The following PCDH15 variants were observed in gnomAD, a reference collection of about 807,000 sequenced individuals.
PCDH15 encodes the protein protocadherin-15.
PCDH15 carries 129 observed loss-of-function variants against 178.5 expected under a neutral mutation model. That is an observed-to-expected ratio of 0.72 (90% confidence interval 0.63 to 0.84). PCDH15 has a LOEUF of 0.84. PCDH15 is among the 40% of genes least tolerant of loss of function. The pLI, the probability that PCDH15 is intolerant of heterozygous loss-of-function variation, is 0.00. For missense variants in PCDH15, 2,230 were observed against 2,099.9 expected, an observed-to-expected ratio of 1.06 and a Z score of -1.21; for synonymous variants, 800 against 732.0, an observed-to-expected ratio of 1.09 and a Z score of -1.50.
At chr10:54,604,592 CTTTCT>C (rs879283288) in intron 2 of PCDH15, among the ~76,000 whole-genome samples, 3 of 151,656 alleles carry the variant, frequency 2.0e-5, no homozygotes, top group Non-Finnish European at 2.9e-5. Context: ...AGCCATTCTG[CTTTCT>C]TTTCATTACC....
Position 54,629,984 on chromosome 10 carries a change from A to C in PCDH15, c.91+34188T>G, listed in dbSNP as rs551757425. On this transcript the variant is annotated intron_variant, in intron 2 of 37. Coordinates refer to ENST00000644397, the MANE Select transcript of PCDH15 (RefSeq NM_001384140.1). ...GGAGCCAAATTAAGATCAAAAACCC[A>C]TTTACAATAGCCACAAAAAAAATTA... is the stretch of plus-strand genomic sequence containing the variant. Among the ~76,000 whole-genome samples, 8 of 152,238 alleles carry C rather than the reference A, an allele frequency of 5.3e-5. No homozygotes were observed. In the South Asian group the frequency reaches 1.7e-3, roughly 32 times the overall value.
intron 25 of PCDH15, among the ~76,000 whole-genome samples, chr10:53,915,415 T>C (rs1465086852): frequency 2.0e-5 from 3 of 152,238 alleles, no homozygotes; most frequent in Non-Finnish European, 4.4e-5. Context: ...AGTTTTCAAA[T>C]TTAGCTTGGA....
intron 28 of PCDH15, among the ~76,000 whole-genome samples, chr10:53,845,474 C>G (rs2077911215): frequency 6.6e-6 from 1 of 151,656 alleles, no homozygotes; most frequent in African/African-American, 2.4e-5. Flanking sequence ...TGGAATCAAC[C>G]AAAATGTTTA....
At chr10:54,660,140 G>A (rs1037462158) in intron 2 of PCDH15, among the ~76,000 whole-genome samples, 1 of 152,044 alleles carries the variant, frequency 6.6e-6, no homozygotes, top group South Asian at 2.1e-4. Context: ...CAAAGCAAAA[G>A]TTGTGTCTTT....
intron 3 of PCDH15, among the ~76,000 whole-genome samples, chr10:54,465,171 ATTTT>A (rs1026038697): frequency 2.6e-5 from 4 of 152,024 alleles, no homozygotes; most frequent in African/African-American, 9.7e-5. Flanking sequence ...GGGACATGTG[ATTTT>A]TTTGTTACAC....
At chr10:54,473,836 A>C (rs2078086616) in intron 3 of PCDH15, among the ~76,000 whole-genome samples, 1 of 151,860 alleles carries the variant, frequency 6.6e-6, no homozygotes, top group East Asian at 1.9e-4. Flanking sequence ...GAATTCTAAT[A>C]ATTTTTCTAT....
At chr10:55,618,508 C>G (rs1357196323) in intron 2 of PCDH15, among the ~76,000 whole-genome samples, 1 of 152,026 alleles carries the variant, frequency 6.6e-6, no homozygotes, top group Non-Finnish European at 1.5e-5. Flanking sequence ...GTATACACAT[C>G]AAACTACCAA....
chr10:54,484,798 C>T (rs1242367747), intron 3 of PCDH15, among the ~76,000 whole-genome samples: 3 of 151,860 alleles, frequency 2.0e-5, no homozygotes, highest in Non-Finnish European at 4.4e-5. Flanking sequence ...CACCAATTTA[C>T]TTCAACAGTT....
intron 3 of PCDH15, among the ~76,000 whole-genome samples, chr10:54,422,331 T>C (rs1202895588): frequency 3.0e-4 from 45 of 152,260 alleles, no homozygotes; most frequent in Non-Finnish European, 2.9e-5. Flanking sequence ...AATGGAATTA[T>C]AGCCTACCCT....
chr10:55,438,445 A>G (rs990165715), intron 2 of PCDH15, among the ~76,000 whole-genome samples: 1 of 152,178 alleles, frequency 6.6e-6, no homozygotes, highest in South Asian at 2.1e-4. Context: ...AGCTTTATTA[A>G]ATAAGAATCT....
chr10:55,617,730 T>C (rs1843508089), intron 2 of PCDH15, among the ~76,000 whole-genome samples: 1 of 152,046 alleles, frequency 6.6e-6, no homozygotes, highest in South Asian at 2.1e-4. Context: ...GAAAATGATC[T>C]TTTAAATTGG....
At chr10:55,003,833 G>A (rs561466224) in intron 2 of PCDH15, among the ~76,000 whole-genome samples, 8 of 152,318 alleles carry the variant, frequency 5.3e-5, no homozygotes, top group Non-Finnish European at 8.8e-5. Flanking sequence ...TCTGGCCTGT[G>A]GTTAAGTTGA....
intron 2 of PCDH15, among the ~76,000 whole-genome samples, chr10:55,596,274 C>T (rs2132137160): frequency 6.6e-6 from 1 of 152,204 alleles, no homozygotes; most frequent in South Asian, 2.1e-4. Context: ...AAACATTCTG[C>T]TTTTCTTAAT....
chr10:54,941,264 G>A (rs1564648901), intron 2 of PCDH15, among the ~76,000 whole-genome samples: 1 of 152,120 alleles, frequency 6.6e-6, no homozygotes, highest in East Asian at 1.9e-4. Flanking sequence ...GTGAGATACA[G>A]AAACATTACA....
At chr10:54,745,442 A>G (rs990712176) in intron 1 of PCDH15, among the ~76,000 whole-genome samples, 4 of 152,180 alleles carry the variant, frequency 2.6e-5, no homozygotes, top group African/African-American at 9.6e-5. Context: ...AAGAACCAAC[A>G]GTTATACGAT....
chr10:54,995,052 T>C (rs1436231068), intron 2 of PCDH15, among the ~76,000 whole-genome samples: 1 of 152,174 alleles, frequency 6.6e-6, no homozygotes, highest in Non-Finnish European at 1.5e-5. Context: ...GTAGGTTTTA[T>C]GATTATTGTA....
intron 3 of PCDH15, among the ~76,000 whole-genome samples, chr10:54,489,724 A>G (rs946504979): frequency 6.6e-6 from 1 of 152,178 alleles, no homozygotes; most frequent in Admixed American, 6.5e-5. Flanking sequence ...CATAATTACT[A>G]AATACCCTTA....
chr10:54,926,681 G>A (rs925110367), intron 2 of PCDH15, among the ~76,000 whole-genome samples: 11 of 151,904 alleles, frequency 7.2e-5, no homozygotes, highest in East Asian at 5.8e-4. Flanking sequence ...TCAGTCTTGC[G>A]AGGGTATATG....
chr10:55,231,069 T>C (rs1347988844), intron 1 of PCDH15, among the ~76,000 whole-genome samples: 3 of 152,024 alleles, frequency 2.0e-5, no homozygotes, highest in Non-Finnish European at 4.4e-5. Context: ...TTGTGATATA[T>C]AGACAATGAG....
Sources: allele counts gnomAD v4.1 joint callset (sites outside exome capture counted in the v4.1 genomes callset), GRCh38; gene constraint gnomAD v4.1.1; transcripts MANE v1.5; gene names NCBI Gene and HGNC (gene_info 2026-07-23, HGNC 2026-07-21).